ZNF148: variants seen among roughly 807,000 people sequenced by gnomAD.
ZNF148 encodes the protein Beta-Enolase Repressor Factor-1.
Under a neutral mutation model 67.7 loss-of-function variants are expected in ZNF148, and 7 were observed. The ratio of observed to expected loss-of-function variants is 0.10; its 90% CI spans 0.06 to 0.19. The LOEUF is 0.19. Among genes scored for constraint, ZNF148 ranks in the 10% least tolerant of loss-of-function variants. The pLI is 1.00. For synonymous variants in ZNF148, 333 were observed against 330.7 expected, an observed-to-expected ratio of 1.01 and a Z score of -0.08; for missense variants, 583 against 947.1, an observed-to-expected ratio of 0.62 and a Z score of 5.05.
intron 7 of ZNF148, among the ~76,000 whole-genome samples, chr3:125,234,684 A>G (rs111738908): frequency 6.6e-6 from 1 of 152,208 alleles, no homozygotes; most frequent in Non-Finnish European, 1.5e-5. Flanking sequence ...ACAAAAAGTT[A>G]CCCATGCACA....
chr3:125,284,516 G>A (rs1421201545), intron 5 of ZNF148, among the ~76,000 whole-genome samples: 3 of 152,100 alleles, frequency 2.0e-5, no homozygotes. Flanking sequence ...AGGGTCAGGT[G>A]GATGGGGGAG....
At chr3:125,279,671 A>G (rs1393163879) in intron 5 of ZNF148, among the ~76,000 whole-genome samples, 2 of 152,110 alleles carry the variant, frequency 1.3e-5, no homozygotes, top group Non-Finnish European at 2.9e-5. Flanking sequence ...AATACAATTT[A>G]ATATTATGTG....
intron 4 of ZNF148, among the ~76,000 whole-genome samples, chr3:125,304,108 C>A (rs947839191): frequency 1.3e-5 from 2 of 152,084 alleles, no homozygotes; most frequent in Non-Finnish European, 2.9e-5. Context: ...CCTCCAGGAA[C>A]CAGTCAGGTC....
intron 3 of ZNF148, among the ~76,000 whole-genome samples, chr3:125,317,719 T>A (rs1178283829): frequency 1.8e-4 from 21 of 119,430 alleles, no homozygotes; most frequent in East Asian, 1.4e-3. Flanking sequence ...ATATATTTTT[T>A]TTTTTTTCTG....
intron 5 of ZNF148, among the ~76,000 whole-genome samples, chr3:125,280,217 A>T (rs1158584120): frequency 1.3e-5 from 2 of 152,078 alleles, no homozygotes; most frequent in Non-Finnish European, 2.9e-5. Context: ...TCAGTTTTTT[A>T]AAAAATAGAA....
At chr3:125,304,712 G>C (rs965038541) in intron 4 of ZNF148, among the ~76,000 whole-genome samples, 1 of 152,096 alleles carries the variant, frequency 6.6e-6, no homozygotes, top group Non-Finnish European at 1.5e-5. Flanking sequence ...ATATGTAAAT[G>C]TACATCATTA....
chr3:125,340,157 A>C (rs969113786), intron 1 of ZNF148, among the ~76,000 whole-genome samples: 4 of 152,182 alleles, frequency 2.6e-5, no homozygotes, highest in South Asian at 2.1e-4. Flanking sequence ...CAACAGAAGA[A>C]GACAATCCAG....
At chr3:125,269,141 G>C (rs974832601) in intron 7 of ZNF148, among the ~76,000 whole-genome samples, 22 of 150,856 alleles carry the variant, frequency 1.5e-4, no homozygotes, top group Non-Finnish European at 2.4e-4. Context: ...ACTAAGGCAG[G>C]TGGATCGCTT....
chr3:125,334,220 T>C (rs1941402339), intron 1 of ZNF148, among the ~76,000 whole-genome samples: 2 of 152,200 alleles, frequency 1.3e-5, no homozygotes, highest in South Asian at 4.1e-4. Context: ...GGTGGTCCAA[T>C]TTATTAATTA....
At chr3:125,280,333 C>T (rs889841774) in intron 5 of ZNF148, among the ~76,000 whole-genome samples, 1 of 152,024 alleles carries the variant, frequency 6.6e-6, no homozygotes, top group African/African-American at 2.4e-5. Flanking sequence ...CAGAGAAACT[C>T]ACCTTAGGCT....
intron 4 of ZNF148, among the ~76,000 whole-genome samples, chr3:125,302,369 C>T (rs1473461776): frequency 6.6e-6 from 1 of 150,822 alleles, no homozygotes; most frequent in South Asian, 2.1e-4. Flanking sequence ...CAGAACAAGA[C>T]CCTGTCTCAA....
chr3:125,288,287 G>C lies in ZNF148; in HGVS notation c.334-59C>G. On this transcript the variant is annotated intron_variant, in intron 4 of 8. Coordinates refer to ENST00000360647, the MANE Select transcript of ZNF148 (RefSeq NM_021964.3). ...AAATAAAAAGTTCATTGTGACAAAA[G>C]GCCATTTTATGTTTAATCCTTTGCT... 11 of 1,530,518 alleles carry C rather than the reference G, an allele frequency of 7.2e-6. No homozygotes were observed. The South Asian group carries it at 1.2e-4, about 17-fold the overall frequency. The allele number at this position is 1,530,518 out of a possible 1,614,324, so 94.8% of individuals were successfully genotyped here.
At chr3:125,258,066 CACTT>C (rs746193640) in intron 7 of ZNF148, among the ~76,000 whole-genome samples, 65 of 152,234 alleles carry the variant, frequency 4.3e-4, no homozygotes, top group Admixed American at 1.2e-3. Context: ...TGAGGGTCTT[CACTT>C]ACTGAGATCA....
At chr3:125,364,585 G>T (rs1235450637) in intron 1 of ZNF148, among the ~76,000 whole-genome samples, 1 of 152,100 alleles carries the variant, frequency 6.6e-6, no homozygotes, top group Non-Finnish European at 1.5e-5. Context: ...ACAGAAATTG[G>T]GTTCCACTTA....
intron 7 of ZNF148, among the ~76,000 whole-genome samples, chr3:125,244,161 T>C (rs1431340558): frequency 6.6e-6 from 1 of 152,220 alleles, no homozygotes; most frequent in Non-Finnish European, 1.5e-5. Flanking sequence ...GTTTCTCTTC[T>C]AACAGTTTTC....
intron 4 of ZNF148, among the ~76,000 whole-genome samples, chr3:125,304,485 G>C (rs1335437127): frequency 6.6e-6 from 1 of 152,152 alleles, no homozygotes; most frequent in Non-Finnish European, 1.5e-5. Context: ...TATCCACGCA[G>C]GGCAGGGGTA....
chr3:125,295,000 T>C (rs548935091), intron 4 of ZNF148, among the ~76,000 whole-genome samples: 1 of 152,354 alleles, frequency 6.6e-6, no homozygotes, highest in South Asian at 2.1e-4. Flanking sequence ...GGACTGCTTT[T>C]CAATAAATCT....
At chr3:125,254,135 G>T (rs1441655911) in intron 7 of ZNF148, among the ~76,000 whole-genome samples, 1 of 152,028 alleles carries the variant, frequency 6.6e-6, no homozygotes, top group Non-Finnish European at 1.5e-5. Flanking sequence ...ATTATTTTAG[G>T]AACATCCATT....
chr3:125,233,863 C>T lies in ZNF148; in HGVS notation c.863G>A (p.Cys288Tyr). 1 of 1,613,198 alleles carries T rather than the reference C, an allele frequency of 6.2e-7. No individual in the cohort carries two copies. Among genetic ancestry groups the T allele is most frequent in the Non-Finnish European group, 8.5e-7 (1 of 1,179,800 alleles). Residue 288 changes from cysteine (C) to tyrosine (Y), a missense_variant, in exon 9 of 9, where the codon TGT (cysteine) becomes TAT (tyrosine). Cys to Tyr is a radical substitution (Grantham distance 194, BLOSUM62 -2). Around this residue, in one of 5 missense-constraint regions of ZNF148, gnomAD observed 78 missense variants for 86.5 expected, o/e 0.90. Coordinates refer to ENST00000360647, the MANE Select transcript of ZNF148 (RefSeq NM_021964.3). The surrounding 1 kb of genome is among the most constrained non-coding windows in gnomAD (Gnocchi z 5.1). ...HENHDKKLNR[C>Y]AIKGGLLTSE... ...TGTCAGAAGGCCACCTTTGATGGCA[C>T]ATCTATTTAGTTTTTTGTCATGATT...
Sources: gnomAD v4.1 joint callset for allele counts (sites outside exome capture counted in the v4.1 genomes callset) on GRCh38, gnomAD v4.1.1 for gene constraint, gnomAD v4.1.1 regional missense constraint, Gnocchi (gnomAD v3.1) non-coding constraint, MANE v1.5 for transcripts, NCBI Gene and HGNC (gene_info 2026-07-23, HGNC 2026-07-21) for gene names.